Variants in FGF14 observed in about 807,000 individuals in gnomAD.
The protein encoded by FGF14 is fibroblast growth factor 14, also known as fibroblast growth factor homologous factor 4.
A neutral mutation model predicts 25.5 loss-of-function variants in FGF14; 5 were observed. That is an observed-to-expected ratio of 0.20 (90% CI 0.10 to 0.41). The LOEUF (loss-of-function observed/expected upper bound fraction) is 0.41, where lower values mean the gene tolerates loss of function less well. Among genes scored for constraint, FGF14 ranks in the 10% least tolerant of loss-of-function variants. FGF14 has a pLI of 1.00. For missense variants in FGF14, 222 were observed against 320.1 expected, an observed-to-expected ratio of 0.69 and a Z score of 2.34; for synonymous variants, 138 against 118.3, an observed-to-expected ratio of 1.17 and a Z score of -1.08.
intron 3 of FGF14, among the ~76,000 whole-genome samples, chr13:101,814,308 TGGCATGG>T (rs917092121): frequency 6.6e-6 from 1 of 152,144 alleles, no homozygotes; most frequent in Non-Finnish European, 1.5e-5. Context: ...AAAAAAATGT[TGGCATGG>T]GGGTGAAAGA....
At chr13:102,295,223 G>A (rs1183169337) in intron 1 of FGF14, among the ~76,000 whole-genome samples, 1 of 152,080 alleles carries the variant, frequency 6.6e-6, no homozygotes, top group Non-Finnish European at 1.5e-5. Flanking sequence ...GGTGCCACTG[G>A]AGCGCATTTT....
At chr13:101,891,472 G>T (rs2046264186) in intron 1 of FGF14, among the ~76,000 whole-genome samples, 1 of 152,118 alleles carries the variant, frequency 6.6e-6, no homozygotes, top group Non-Finnish European at 1.5e-5. Flanking sequence ...AGTCTGCTCT[G>T]TATCTTCCCA....
At position 101,841,934 on chromosome 13, in the gene FGF14, T is replaced by G. The variant is rs934139455; in HGVS notation, c.408+26791A>C. ...GCACGTGAAAAGAATACTCACTCAGTATAATCATTTATGTGAACCACCTAA... is the reference window on the plus strand; with the variant it reads ...GCACGTGAAAAGAATACTCACTCAGGATAATCATTTATGTGAACCACCTAA... On this transcript the variant is annotated intron_variant, in intron 3 of 4. Transcript: ENST00000376143. 5.9e-5 allele frequency among the ~76,000 whole-genome samples: 9 copies of G among 152,090 alleles called. No homozygotes were observed. In the South Asian group the frequency reaches 1.7e-3, roughly 28 times the overall value.
chr13:102,341,078 C>T (rs756576897), intron 1 of FGF14, among the ~76,000 whole-genome samples: 69 of 152,106 alleles, frequency 4.5e-4, no homozygotes, highest in Non-Finnish European at 6.8e-4. Context: ...TTTCACTGTA[C>T]CTTCAGGGCA....
At chr13:101,948,251 T>A (rs147054963) in intron 1 of FGF14, among the ~76,000 whole-genome samples, 5 of 152,152 alleles carry the variant, frequency 3.3e-5, no homozygotes, top group Admixed American at 6.5e-5. Flanking sequence ...CATCCACATG[T>A]ATTTTGAAAT....
intron 1 of FGF14, among the ~76,000 whole-genome samples, chr13:101,990,027 G>A (rs928882350): frequency 4.9e-4 from 74 of 152,138 alleles, no homozygotes; most frequent in African/African-American, 1.8e-3. Context: ...TCAACTTTTT[G>A]TTTGGAAATA....
chr13:102,305,012 T>C (rs1478455188), intron 1 of FGF14, among the ~76,000 whole-genome samples: 1 of 152,132 alleles, frequency 6.6e-6, no homozygotes, highest in South Asian at 2.1e-4. Context: ...CAGCAAAAAA[T>C]AACTAAAACA....
chr13:102,276,092 G>A (rs2058426968), intron 1 of FGF14, among the ~76,000 whole-genome samples: 1 of 151,758 alleles, frequency 6.6e-6, no homozygotes, highest in Non-Finnish European at 1.5e-5. Context: ...CCTATGAAAT[G>A]TTTTCAGCAA....
intron 1 of FGF14, among the ~76,000 whole-genome samples, chr13:102,334,277 T>C (rs1053337710): frequency 3.9e-5 from 6 of 152,308 alleles, no homozygotes; most frequent in Admixed American, 3.3e-4. Flanking sequence ...GGTTTAGTCC[T>C]ATCTGATAGA....
intron 1 of FGF14, among the ~76,000 whole-genome samples, chr13:102,345,700 T>C (rs538636088): frequency 7.7e-4 from 117 of 152,382 alleles, no homozygotes; most frequent in Middle Eastern, 3.4e-3. Context: ...ATGAGTTTAC[T>C]AAACATGTAT....
chr13:102,148,987 T>C (rs1434633399), intron 1 of FGF14, among the ~76,000 whole-genome samples: 1 of 152,082 alleles, frequency 6.6e-6, no homozygotes, highest in East Asian at 1.9e-4. Context: ...CTTTTATACA[T>C]ATTAGGATAT....
rs189725772 is a variant in FGF14, at chr13:101,787,952, A to C, written c.409-61142T>G. On this transcript the variant is annotated intron_variant, in intron 3 of 4. Coordinates refer to ENST00000376143, the MANE Select transcript of FGF14 (RefSeq NM_004115.4). ...AGTGGCAGGATTTCACCTCACTGCAACCTCCGCCTCCCAGGTTCAAGTGAT... is the reference window on the plus strand; with the variant it reads ...AGTGGCAGGATTTCACCTCACTGCACCCTCCGCCTCCCAGGTTCAAGTGAT... 2.2e-3 allele frequency among the ~76,000 whole-genome samples: 341 copies of C among 152,152 alleles called. 1 individual carries two copies. Among genetic ancestry groups the C allele is most frequent in the Non-Finnish European group, 3.6e-3 (247 of 67,982 alleles).
intron 1 of FGF14, among the ~76,000 whole-genome samples, chr13:102,341,658 A>T (rs1389474168): frequency 6.6e-6 from 1 of 152,126 alleles, no homozygotes; most frequent in East Asian, 1.9e-4. Context: ...AAGACACGGC[A>T]TTTTTCAAGA....
At chr13:101,921,632 C>T (rs370250031), upstream of FGF14, among the ~76,000 whole-genome samples, 3 of 152,176 alleles carry the variant, frequency 2.0e-5, no homozygotes, top group African/African-American at 4.8e-5. Context: ...ATAGTAACTA[C>T]GAAATCCCAT....
chr13:102,091,370 G>A (rs1042730538), intron 1 of FGF14, among the ~76,000 whole-genome samples: 1 of 152,098 alleles, frequency 6.6e-6, no homozygotes, highest in African/African-American at 2.4e-5. Flanking sequence ...TGGATGAGGT[G>A]GAAGAAACTT....
chr13:102,201,087 C>T (rs973707611), intron 1 of FGF14, among the ~76,000 whole-genome samples: 8 of 107,018 alleles, frequency 7.5e-5, no homozygotes, highest in Non-Finnish European at 1.0e-4. Flanking sequence ...GGCGACAGAG[C>T]GAGACTCCGT....
intron 3 of FGF14, among the ~76,000 whole-genome samples, chr13:101,738,396 T>A (rs1316281131): frequency 1.3e-5 from 2 of 152,196 alleles, no homozygotes. Flanking sequence ...ATTTGTGGAA[T>A]ACAAAGGAAG....
chr13:101,888,581 C>A (rs144650871), intron 1 of FGF14, among the ~76,000 whole-genome samples: 30 of 152,200 alleles, frequency 2.0e-4, no homozygotes, highest in African/African-American at 7.0e-4. Flanking sequence ...AATTTTTAAT[C>A]AAGCTTACTC....
rs1291671827 is a variant in FGF14 at position 101,717,702 on chromosome 13, A to G, written c.*5129T>C. The G allele has an allele frequency of 6.6e-6, 1 of 152,116 alleles. No homozygotes were observed. Among genetic ancestry groups the G allele is most frequent in the Admixed American group, 6.5e-5 (1 of 15,272 alleles). 9.4% of individuals were successfully genotyped at this position (152,116 alleles called of 1,614,324 possible). ...TCTGTTTAATACTTTAAAGCTGTAA[A>G]AAAAATTTAAAAAATTCCTTCTGAG... On this transcript the variant is annotated 3_prime_UTR_variant, in exon 5 of 5. Coordinates refer to ENST00000376143, the MANE Select transcript of FGF14 (RefSeq NM_004115.4).
Sources: gnomAD v4.1 joint callset for allele counts (sites outside exome capture counted in the v4.1 genomes callset) on GRCh38, gnomAD v4.1.1 for gene constraint, MANE v1.5 for transcripts, NCBI Gene and HGNC (gene_info 2026-07-23, HGNC 2026-07-21) for gene names.